Variants in AGBL1 observed in about 807,000 individuals in gnomAD.
The protein encoded by AGBL1 is cytosolic carboxypeptidase 4.
Under a neutral mutation model 118.9 loss-of-function variants are expected in AGBL1, and 130 were observed. The observed-to-expected ratio is 1.09, with a 90% CI of 0.95 to 1.26. The LOEUF (loss-of-function observed/expected upper bound fraction) is 1.26. Among genes scored for constraint, AGBL1 ranks in the 50% most tolerant of loss-of-function variants. AGBL1 has a pLI of 0.00. For synonymous variants in AGBL1, 555 were observed against 478.9 expected (o/e 1.16, Z -2.08); for missense variants, 1,584 against 1,298.1 (o/e 1.22, Z -3.38).
chr15:86,761,873 A>G (rs111252635), intron 22 of AGBL1, among the ~76,000 whole-genome samples: 2,396 of 152,114 alleles, frequency 0.016, 22 homozygotes, highest in Non-Finnish European at 0.026. Context: ...TTTTGTTGCA[A>G]TTGGTTTTGG....
At chr15:86,971,225 T>C (rs116563120) in intron 23 of AGBL1, among the ~76,000 whole-genome samples, 3,200 of 152,104 alleles carry the variant, frequency 0.021, 129 homozygotes, top group African/African-American at 0.073. Flanking sequence ...TGTACTGTCA[T>C]ACTTGGATGT....
chr15:86,535,380 A>T (rs1326288061), intron 19 of AGBL1, among the ~76,000 whole-genome samples: 1 of 152,214 alleles, frequency 6.6e-6, no homozygotes, highest in African/African-American at 2.4e-5. Flanking sequence ...TGGGACTGGA[A>T]GAAAGTTCTT....
intron 18 of AGBL1, among the ~76,000 whole-genome samples, chr15:86,468,265 A>G (rs1363766791): frequency 6.6e-6 from 1 of 152,124 alleles, no homozygotes. Flanking sequence ...CTGGTCCTAA[A>G]TTGGATCTTT....
intron 24 of AGBL1, among the ~76,000 whole-genome samples, chr15:87,027,614 G>A (rs1009111448): frequency 4.6e-5 from 7 of 151,722 alleles, no homozygotes; most frequent in Non-Finnish European, 7.4e-5. Context: ...TCACAATAGC[G>A]AAGACATGGA....
chr15:86,374,688 C>T (rs1454749904), intron 17 of AGBL1, among the ~76,000 whole-genome samples: 1 of 152,220 alleles, frequency 6.6e-6, no homozygotes, highest in Non-Finnish European at 1.5e-5. Context: ...CTTGACTCTG[C>T]TTTTAGCTCC....
rs941355254 is a variant in AGBL1 at position 86,838,195 on chromosome 15, C to A, written c.3159-68892C>A. Among the ~76,000 whole-genome samples, 4 of 150,458 alleles carry A rather than the reference C, an allele frequency of 2.7e-5. No homozygotes were observed. In the East Asian group the frequency reaches 7.9e-4, roughly 30 times the overall value. On this transcript the variant is annotated intron_variant, in intron 22 of 22. Transcript: ENST00000614907. Reference sequence around the variant, plus strand: ...CTCTGTAACCTAAAAAAAAAAAAATCTTATGTTTATATTTTTCCTTTGAAA... The same window carrying A: ...CTCTGTAACCTAAAAAAAAAAAAATATTATGTTTATATTTTTCCTTTGAAA...
chr15:86,228,506 G>C (rs2078402917), intron 6 of AGBL1, among the ~76,000 whole-genome samples: 1 of 152,136 alleles, frequency 6.6e-6, no homozygotes, highest in Admixed American at 6.5e-5. Context: ...AGGGAGAGGG[G>C]GCAGTCAGTG....
intron 22 of AGBL1, among the ~76,000 whole-genome samples, chr15:86,768,377 C>T (rs932958222): frequency 2.0e-5 from 3 of 152,058 alleles, no homozygotes; most frequent in East Asian, 3.9e-4. Flanking sequence ...TGCTATAGCC[C>T]GCAAGCATGA....
chr15:86,716,081 A>G (rs915013689), intron 22 of AGBL1, among the ~76,000 whole-genome samples: 1 of 151,854 alleles, frequency 6.6e-6, no homozygotes, highest in African/African-American at 2.4e-5. Context: ...AAAAAAAAAA[A>G]AGAAATCAGT....
At chr15:86,956,721 T>C (rs1002661144) in intron 23 of AGBL1, among the ~76,000 whole-genome samples, 5 of 152,146 alleles carry the variant, frequency 3.3e-5, no homozygotes, top group African/African-American at 4.8e-5. Context: ...TTGGTCACCA[T>C]TGTTTAACCA....
intron 18 of AGBL1, among the ~76,000 whole-genome samples, chr15:86,512,924 A>G (rs1028917221): frequency 6.6e-6 from 1 of 150,694 alleles, no homozygotes; most frequent in Non-Finnish European, 1.5e-5. Context: ...TAAATTATAG[A>G]TTTTTTCCTT....
intron 22 of AGBL1, among the ~76,000 whole-genome samples, chr15:86,720,706 G>GGGACATA (rs1224619186): frequency 6.6e-6 from 1 of 152,104 alleles, no homozygotes; most frequent in East Asian, 1.9e-4. Flanking sequence ...GATGGGCCAT[G>GGGACATA]GGACATAAGA....
intron 18 of AGBL1, among the ~76,000 whole-genome samples, chr15:86,422,717 AAGAG>A: frequency 6.6e-6 from 1 of 151,790 alleles, no homozygotes; most frequent in East Asian, 1.9e-4. Context: ...TAAAAAATAA[AAGAG>A]AGAAGAATCA....
At chr15:86,803,333 T>G (rs1303624655) in intron 22 of AGBL1, among the ~76,000 whole-genome samples, 1 of 152,154 alleles carries the variant, frequency 6.6e-6, no homozygotes, top group Non-Finnish European at 1.5e-5. Context: ...TTCTGCCATG[T>G]GAAGAAAGTC....
chr15:86,259,790 C>T (rs1016949319), intron 9 of AGBL1, among the ~76,000 whole-genome samples: 6 of 152,164 alleles, frequency 3.9e-5, no homozygotes, highest in Non-Finnish European at 8.8e-5. Flanking sequence ...CCACTTTCCC[C>T]TCCCCTCTTG....
At chr15:86,354,822 A>G (rs1325002421) in intron 17 of AGBL1, among the ~76,000 whole-genome samples, 2 of 152,218 alleles carry the variant, frequency 1.3e-5, no homozygotes, top group South Asian at 2.1e-4. Context: ...AGCAAGCCCA[A>G]TGTAATTGTA....
At chr15:86,897,646 T>G (rs890287654) in intron 22 of AGBL1, among the ~76,000 whole-genome samples, 1 of 151,926 alleles carries the variant, frequency 6.6e-6, no homozygotes, top group African/African-American at 2.4e-5. Flanking sequence ...GTCACTGATT[T>G]TCCCCCCAGT....
intron 21 of AGBL1, among the ~76,000 whole-genome samples, chr15:86,632,083 A>G (rs1201885402): frequency 1.3e-5 from 2 of 150,914 alleles, no homozygotes; most frequent in African/African-American, 4.9e-5. Context: ...GCGCAAGCCT[A>G]GGGAGACCCT....
intron 5 of AGBL1, among the ~76,000 whole-genome samples, chr15:86,200,550 A>AAC (rs2077887865): frequency 2.8e-5 from 2 of 72,130 alleles, no homozygotes; most frequent in Non-Finnish European, 5.9e-5. Context: ...ATAGACCCCT[A>AAC]CCCCCCCCCC....
Sources: allele counts gnomAD v4.1 joint callset (sites outside exome capture counted in the v4.1 genomes callset), GRCh38; gene constraint gnomAD v4.1.1; transcripts MANE v1.5; gene names NCBI Gene and HGNC (gene_info 2026-07-23, HGNC 2026-07-21).